The following DOCK2 variants were observed in gnomAD, a reference collection of about 807,000 sequenced individuals.
DOCK2 encodes dedicator of cytokinesis protein 2.
Under a neutral mutation model 248.9 loss-of-function variants are expected in DOCK2, and 87 were observed. That is an observed-to-expected ratio of 0.35 (90% confidence interval 0.29 to 0.42). DOCK2 has a LOEUF of 0.42. Among genes scored for constraint, DOCK2 ranks in the 10% least tolerant of loss-of-function variants. The probability of loss-of-function intolerance (pLI) is 1.00; values close to 1 mark genes in which losing one functional copy is unlikely to be tolerated. For synonymous variants in DOCK2, 805 were observed against 821.6 expected, an observed-to-expected ratio of 0.98 and a Z score of 0.35; for missense variants, 1,747 against 2,300.2, an observed-to-expected ratio of 0.76 and a Z score of 4.92.
At chr5:169,727,067 C>CAAA (rs796894886) in intron 22 of DOCK2, among the ~76,000 whole-genome samples, 6 of 89,326 alleles carry the variant, frequency 6.7e-5, no homozygotes, top group Non-Finnish European at 1.4e-4. Context: ...GACCCTGTCT[C>CAAA]AAAAAAAAAA....
rs986359354 is a variant in DOCK2 at position 169,995,080 on chromosome 5, G to A, written c.2994-1006G>A. Among the ~76,000 whole-genome samples, 2 of 149,596 alleles carry A rather than the reference G, an allele frequency of 1.3e-5. 1 individual carries two copies. The highest frequency in any genetic ancestry group is 3.0e-5 in the Non-Finnish European group (2 of 67,656). ...GACTCTCACTATTGCCCAGGCTGGAGTGCAGTGTCATGATCTCAGATTTCT... is the reference window on the plus strand; with the variant it reads ...GACTCTCACTATTGCCCAGGCTGGAATGCAGTGTCATGATCTCAGATTTCT... On this transcript the variant is annotated intron_variant, in intron 29 of 51. Transcript: ENST00000520908.
chr5:169,773,980 T>C (rs1561682442), intron 25 of DOCK2, among the ~76,000 whole-genome samples: 1 of 152,214 alleles, frequency 6.6e-6, no homozygotes. Context: ...CCTAGCCACA[T>C]AGAACTGAGT....
chr5:169,950,300 T>C (rs1375681653), intron 27 of DOCK2, among the ~76,000 whole-genome samples: 2 of 152,200 alleles, frequency 1.3e-5, no homozygotes, highest in Admixed American at 1.3e-4. Flanking sequence ...AAGCAGACCT[T>C]CCTCATAGGG....
At chr5:169,722,425 C>A (rs1438149361) in intron 22 of DOCK2, among the ~76,000 whole-genome samples, 1 of 152,188 alleles carries the variant, frequency 6.6e-6, no homozygotes, top group Non-Finnish European at 1.5e-5. Flanking sequence ...AGGAGTTGCT[C>A]CCACTTGTCT....
intron 23 of DOCK2, among the ~76,000 whole-genome samples, chr5:169,758,031 C>G (rs1263232883): frequency 2.0e-5 from 3 of 151,930 alleles, no homozygotes; most frequent in Non-Finnish European, 4.4e-5. Flanking sequence ...AACAATCTAT[C>G]CTACAAGGAT....
At chr5:169,741,604 T>C (rs964455216) in intron 22 of DOCK2, among the ~76,000 whole-genome samples, 2 of 152,174 alleles carry the variant, frequency 1.3e-5, no homozygotes. Context: ...AATTATTGGC[T>C]CAGGGGAAGG....
chr5:169,784,384 A>T (rs1405642422), intron 25 of DOCK2, among the ~76,000 whole-genome samples: 1 of 152,212 alleles, frequency 6.6e-6, no homozygotes, highest in Non-Finnish European at 1.5e-5. Flanking sequence ...AGCCCAGGAA[A>T]GTGTGGTTCT....
chr5:169,828,859 A>G (rs1459302099), intron 26 of DOCK2, among the ~76,000 whole-genome samples: 1 of 152,210 alleles, frequency 6.6e-6, no homozygotes, highest in Non-Finnish European at 1.5e-5. Context: ...ATTTTGTGAC[A>G]GGTACTTGTG....
At chr5:169,774,726 G>A (rs1219592809) in intron 25 of DOCK2, among the ~76,000 whole-genome samples, 1 of 152,222 alleles carries the variant, frequency 6.6e-6, no homozygotes, top group Non-Finnish European at 1.5e-5. Flanking sequence ...TTTCCGAGTA[G>A]ATAGTCCTAA....
intron 5 of DOCK2, 121 bp from the exon 6 acceptor site, chr5:169,674,176 G>T: frequency 2.5e-6 from 3 of 1,204,748 alleles, no homozygotes; most frequent in Admixed American, 4.8e-5. Flanking sequence ...AGTGGGTAGG[G>T]CAGGGAGAGA....
chr5:170,000,188 A>G (rs1016331748), intron 30 of DOCK2: 8 of 152,240 alleles, frequency 5.3e-5, no homozygotes, highest in African/African-American at 1.9e-4. Flanking sequence ...CTCAGAAGCA[A>G]AGAACACTGC....
intron 1 of DOCK2, among the ~76,000 whole-genome samples, chr5:169,639,723 A>G (rs1051155339): frequency 5.9e-5 from 9 of 152,232 alleles, no homozygotes; most frequent in African/African-American, 9.6e-5. Context: ...ATGTAATCAC[A>G]TGACTGACTA....
rs564567647 is a variant in DOCK2 at position 169,954,957 on chromosome 5, A to C, written c.2800-28111A>C. On this transcript the variant is annotated intron_variant, in intron 27 of 51. Transcript: ENST00000520908. ...GTTAAAACCTAGCAGGGGCATTAGG[A>C]ATCAATCGCAGACTGTGCCTCCTGT... 3.4e-4 allele frequency among the ~76,000 whole-genome samples: 52 copies of C among 152,314 alleles called. 1 individual carries two copies. The highest frequency in any genetic ancestry group is 2.5e-3 in the East Asian group (13 of 5,180).
At chr5:169,958,621 A>G (rs1449722278) in intron 27 of DOCK2, among the ~76,000 whole-genome samples, 2 of 151,882 alleles carry the variant, frequency 1.3e-5, no homozygotes, top group Non-Finnish European at 2.9e-5. Context: ...ATGTGGTTTA[A>G]ATATTGATTG....
At chr5:169,684,432 G>A (rs1759839935) in intron 8 of DOCK2, 82 bp downstream of exon 8, 1 of 1,519,632 alleles carries the variant, frequency 6.6e-7, no homozygotes, top group East Asian at 2.3e-5. Flanking sequence ...CCTCACTTGT[G>A]GAGCAATCTC....
intron 27 of DOCK2, among the ~76,000 whole-genome samples, chr5:169,886,316 C>G (rs1772968094): frequency 1.3e-5 from 2 of 152,146 alleles, no homozygotes; most frequent in African/African-American, 4.8e-5. Context: ...AGGAGATGAA[C>G]CTACTGGTCC....
rs2113071075 is a variant in DOCK2 at position 169,792,357 on chromosome 5, T to TGA, written c.2555-10700_2555-10699insAG. On this transcript the variant is annotated intron_variant, in intron 25 of 51. Coordinates refer to ENST00000520908, the MANE Select transcript of DOCK2 (RefSeq NM_004946.3). ...TCTTGCTTTATTTATGTAATGTGTG[T>TGA]GTGTGTATATATATATTTTATATAT... Among the ~76,000 whole-genome samples, 3 of 150,980 alleles carry TGA rather than the reference T, an allele frequency of 2.0e-5. No homozygotes were observed. The South Asian group carries it at 6.3e-4, about 32-fold the overall frequency.
At chr5:169,702,550 A>G in intron 14 of DOCK2, 123 bp downstream of exon 14, 2 of 1,455,108 alleles carry the variant, frequency 1.4e-6, no homozygotes, top group South Asian at 2.6e-5. Context: ...GATGGTGTTG[A>G]ATAATGTGTT....
chr5:169,801,213 G>T (rs1246494747), intron 25 of DOCK2, among the ~76,000 whole-genome samples: 4 of 135,372 alleles, frequency 3.0e-5, no homozygotes, highest in African/African-American at 5.4e-5. Flanking sequence ...TATTGGCCAG[G>T]CTGGTCTGAC....
Sources: gnomAD v4.1 joint callset for allele counts (sites outside exome capture counted in the v4.1 genomes callset) on GRCh38, gnomAD v4.1.1 for gene constraint, MANE v1.5 for transcripts, NCBI Gene and HGNC (gene_info 2026-07-23, HGNC 2026-07-21) for gene names.